The following FHIP2A variants were observed in gnomAD, a reference collection of about 807,000 sequenced individuals.
FHIP2A encodes the protein family with sequence similarity 160 member B1.
FHIP2A carries 46 observed loss-of-function variants against 93.5 expected under a neutral mutation model. That is an observed-to-expected ratio of 0.49 (90% CI 0.39 to 0.63). The LOEUF (loss-of-function observed/expected upper bound fraction) is 0.63, where lower values mean the gene tolerates loss of function less well. Ranked by LOEUF, FHIP2A falls within the 20% of genes least tolerant of loss-of-function variation. FHIP2A has a pLI of 0.00. For synonymous variants in FHIP2A, 332 were observed against 326.5 expected (o/e 1.02, Z -0.18); for missense variants, 769 against 909.7 (o/e 0.85, Z 1.99).
intron 10 of FHIP2A, 66 bp from the exon 11 acceptor site, chr10:114,846,493 A>G (rs1398515860): frequency 2.0e-6 from 3 of 1,477,292 alleles, no homozygotes; most frequent in East Asian, 2.3e-5. Flanking sequence ...ATGACTCACA[A>G]GATGGTAAGA....
At chr10:114,861,207 A>C (rs772378618) in intron 15 of FHIP2A, 24 bp from the exon 16 acceptor site, 1 of 1,612,018 alleles carries the variant, frequency 6.2e-7, no homozygotes, top group Non-Finnish European at 8.5e-7. Context: ...TCAGGAACTG[A>C]AGTGCCTTGC....
chr10:114,836,044 T>G, intron 4 of FHIP2A, 80 bp from the exon 5 acceptor site: 1 of 1,086,298 alleles, frequency 9.2e-7, no homozygotes, highest in Non-Finnish European at 1.3e-6. Flanking sequence ...TTAAATATCC[T>G]TAAGGTAAAT....
At chr10:114,850,983 G>A (rs569344140) in intron 13 of FHIP2A, among the ~76,000 whole-genome samples, 1 of 152,056 alleles carries the variant, frequency 6.6e-6, no homozygotes, top group Non-Finnish European at 1.5e-5. Flanking sequence ...GCATGATCTC[G>A]GCTCACTGCA....
In FHIP2A at chr10:114,897,039, T is replaced by TA. The variant is rs572689187; in HGVS notation, c.2193-2442dup. Among the ~76,000 whole-genome samples, 1,028 of 152,082 alleles carry TA rather than the reference T, an allele frequency of 6.8e-3. 11 individuals carry two copies. Among genetic ancestry groups the TA allele is most frequent in the African/African-American group, 0.023 (975 of 41,498 alleles). On this transcript the variant is annotated intron_variant, in intron 16 of 16. Transcript: ENST00000369250. ...ATTCTTAAATATCTGCTAGCCGTAA[T>TA]AAAAAAAAATCAATGTACTTTATGT... is the stretch of plus-strand genomic sequence containing the variant.
intron 3 of FHIP2A, 41 bp downstream of exon 3, chr10:114,833,443 A>G (rs758835469): frequency 3.8e-5 from 59 of 1,538,724 alleles, no homozygotes; most frequent in Non-Finnish European, 5.3e-5. Context: ...GCATTAGTAC[A>G]TGCATTAATG....
At chr10:114,830,695 A>G (rs2083602914) in intron 1 of FHIP2A, among the ~76,000 whole-genome samples, 157 bp from the exon 2 acceptor site, 1 of 152,126 alleles carries the variant, frequency 6.6e-6, no homozygotes. Context: ...CTTGGATTTG[A>G]CTTATTTTGT....
At chr10:114,824,053 T>G (rs1204332725) in intron 1 of FHIP2A, among the ~76,000 whole-genome samples, 5 of 152,164 alleles carry the variant, frequency 3.3e-5, no homozygotes, top group Admixed American at 3.3e-4. Context: ...TTGTATTAGG[T>G]ATTAGAAGCA....
In FHIP2A at chr10:114,846,216, G is replaced by A. The variant is rs138164850; in HGVS notation, c.1247G>A (p.Arg416His). The change falls in exon 10 of 17, where the codon CGC (arginine) becomes CAC (histidine). Residue 416 changes from arginine to histidine, a missense_variant. Transcript: ENST00000369248. The stretch of plus-strand genomic sequence containing the variant: ...CTCACATCCACTGCTCTGCTTCATC[G>A]CATCGTTCGGCAAGTGACCTCTGAT... ...GILTSTALLH[R>H]IVRQVTSDVL... is the part of the protein sequence containing the mutation. 3.1e-6 allele frequency: 5 copies of A among 1,614,082 alleles called. No homozygotes were observed. Among genetic ancestry groups the A allele is most frequent in the East Asian group, 2.2e-5 (1 of 44,868 alleles).
chr10:114,886,296 G>A (rs980707274), intron 16 of FHIP2A, among the ~76,000 whole-genome samples: 9 of 152,076 alleles, frequency 5.9e-5, no homozygotes, highest in East Asian at 1.9e-4. Flanking sequence ...TGTGGGGGAC[G>A]TGGCTCTTGA....
At chr10:114,897,269 A>G (rs969666150) in intron 16 of FHIP2A, among the ~76,000 whole-genome samples, 4 of 152,196 alleles carry the variant, frequency 2.6e-5, no homozygotes, top group Non-Finnish European at 5.9e-5. Flanking sequence ...AATTGGGACA[A>G]ATAGAGAATG....
rs1246027447 is a variant in FHIP2A at position 114,862,424 on chromosome 10, C to T, written c.*884C>T. The T allele has an allele frequency of 2.1e-5, 21 of 987,298 alleles. No homozygotes were observed. The highest frequency in any genetic ancestry group is 1.1e-4 in the East Asian group (1 of 8,822). The allele number at this position is 987,298 out of a possible 1,614,324, so 61.2% of individuals were successfully genotyped here. A position where few individuals can be genotyped will look rare whatever the true frequency, so the allele number is the denominator to read the frequency against. On this transcript the variant is annotated 3_prime_UTR_variant, in exon 17 of 17. Coordinates refer to ENST00000369248, the MANE Select transcript of FHIP2A (RefSeq NM_020940.4). ...TTATAATTTGATTTTCTTACTGAAA[C>T]GCATGGTGGTGTCTAGGTGGGGAAC...
intron 16 of FHIP2A, among the ~76,000 whole-genome samples, chr10:114,891,751 G>A (rs2083976102): frequency 6.6e-6 from 1 of 151,744 alleles, no homozygotes; most frequent in African/African-American, 2.4e-5. Flanking sequence ...CGAGTAGCTG[G>A]GATCACAGGC....
rs766391726 is a variant in FHIP2A, at chr10:114,843,788, A to G, written c.864A>G (p.Val288=). ...CATGTGAAGGCTTGATGCTGTTAGT[A>G]AGTTTGCCAGAGCCTGCGGCTGCAA... The part of the protein sequence containing the change: ...VKACEGLMLL[V]SLPEPAAAKC... The change falls in exon 7 of 17, where the codon GTA becomes GTG. Residue 288 remains valine (V), a synonymous_variant. Coordinates refer to ENST00000369248, the MANE Select transcript of FHIP2A (RefSeq NM_020940.4). 6.3e-7 allele frequency: 1 copy of G among 1,585,068 alleles called. No homozygotes were observed. The highest frequency in any genetic ancestry group is 8.5e-7 in the Non-Finnish European group (1 of 1,172,062).
intron 16 of FHIP2A, among the ~76,000 whole-genome samples, chr10:114,880,697 A>ACACACG (rs1222309044): frequency 6.6e-6 from 1 of 151,830 alleles, no homozygotes; most frequent in African/African-American, 2.4e-5. Context: ...ACACACACAC[A>ACACACG]CACACACACA....
At position 114,821,986 on chromosome 10, in the gene FHIP2A, G is replaced by T; in HGVS notation, c.-93G>T. 1 of 798,152 alleles carries T rather than the reference G, an allele frequency of 1.3e-6. No homozygotes were observed. Among genetic ancestry groups the T allele is most frequent in the Non-Finnish European group, 1.7e-6 (1 of 588,836 alleles). The allele number at this position is 798,152 out of a possible 1,614,324, so 49.4% of individuals were successfully genotyped here. On this transcript the variant is annotated 5_prime_UTR_variant, in exon 1 of 17. Transcript: ENST00000369248. ...CCGCCCCGCACCGGCCTTCACTCTGGAGCGGCCCCGGCAGCCGCAGCAGGG... is the reference window on the plus strand; with the variant it reads ...CCGCCCCGCACCGGCCTTCACTCTGTAGCGGCCCCGGCAGCCGCAGCAGGG...
intron 2 of FHIP2A, 45 bp downstream of exon 2, chr10:114,830,975 A>G (rs771079258): frequency 8.3e-7 from 1 of 1,208,700 alleles, no homozygotes; most frequent in South Asian, 1.5e-5. Context: ...TGAAAGTTAA[A>G]CAGAAAATTT....
At chr10:114,831,044 A>G (rs2143009889) in intron 2 of FHIP2A, 114 bp downstream of exon 2, 1 of 597,652 alleles carries the variant, frequency 1.7e-6, no homozygotes. Context: ...TTAAGTTTAT[A>G]GACAATCTTA....
At chr10:114,865,239 C>T (rs1315872978), downstream of FHIP2A, among the ~76,000 whole-genome samples, 1 of 152,084 alleles carries the variant, frequency 6.6e-6, no homozygotes, top group Non-Finnish European at 1.5e-5. Context: ...CCACCTGCCT[C>T]GGCCTCCCAA....
At chr10:114,879,641 G>A (rs146110203) in intron 16 of FHIP2A, among the ~76,000 whole-genome samples, 119 of 152,234 alleles carry the variant, frequency 7.8e-4, no homozygotes, top group African/African-American at 2.7e-3. Flanking sequence ...AGAAGCGGTG[G>A]GCATCGTCAA....
Sources: gnomAD v4.1 joint callset for allele counts (sites outside exome capture counted in the v4.1 genomes callset) on GRCh38, gnomAD v4.1.1 for gene constraint, MANE v1.5 for transcripts, NCBI Gene and HGNC (gene_info 2026-07-23, HGNC 2026-07-21) for gene names.